The following SLC6A13 variants were observed in gnomAD, a reference collection of about 807,000 sequenced individuals.
SLC6A13 encodes sodium- and chloride-dependent GABA transporter 2.
SLC6A13 carries 69 observed loss-of-function variants against 72.9 expected under a neutral mutation model. The observed-to-expected ratio is 0.95, with a 90% confidence interval of 0.78 to 1.16. SLC6A13 has a LOEUF of 1.16. Among genes scored for constraint, SLC6A13 ranks in the 50% most tolerant of loss-of-function variants. The pLI is 0.00. For synonymous variants in SLC6A13, 303 were observed against 303.0 expected (o/e 1.00, Z 0.00); for missense variants, 735 against 760.5 (o/e 0.97, Z 0.39).
At chr12:255,704 C>T (rs61159190) in intron 2 of SLC6A13, among the ~76,000 whole-genome samples, 5,882 of 152,176 alleles carry the variant, frequency 0.039, 349 homozygotes, top group African/African-American at 0.13. Context: ...TTGGAGGGGG[C>T]GGAAATAATG....
At chr12:245,292 C>T (rs1223495038) in intron 2 of SLC6A13, among the ~76,000 whole-genome samples, 2 of 152,202 alleles carry the variant, frequency 1.3e-5, no homozygotes, top group Admixed American at 1.3e-4. Flanking sequence ...CTAGACCGAG[C>T]ACACTTCTAT....
At position 241,606 on chromosome 12, in the gene SLC6A13, C is replaced by T. The variant is rs867173895; in HGVS notation, c.478+1008G>A. Among the ~76,000 whole-genome samples the T allele has an allele frequency of 1.4e-4, 21 of 152,358 alleles. No homozygotes were observed. The Middle Eastern group carries it at 0.01, about 74-fold the overall frequency. On this transcript the variant is annotated intron_variant, in intron 4 of 14. Coordinates refer to ENST00000343164, the MANE Select transcript of SLC6A13 (RefSeq NM_016615.5). ...ACATAGGAGTCACTCCAAACCTACACTGGTTCAGTGGGACTGCCCGTGAAA... is the reference window on the plus strand; with the variant it reads ...ACATAGGAGTCACTCCAAACCTACATTGGTTCAGTGGGACTGCCCGTGAAA...
At chr12:228,434 G>C (rs1393777174) in intron 7 of SLC6A13, among the ~76,000 whole-genome samples, 2 of 152,094 alleles carry the variant, frequency 1.3e-5, no homozygotes, top group Non-Finnish European at 2.9e-5. Flanking sequence ...AGCACAACCA[G>C]GGAGCACCCC....
chr12:224,253 T>C, intron 10 of SLC6A13, 124 bp from the exon 11 acceptor site: 3 of 1,431,008 alleles, frequency 2.1e-6, no homozygotes, highest in South Asian at 1.2e-5. Context: ...CCCTGAGCTA[T>C]TGTCCTTGCC....
intron 2 of SLC6A13, among the ~76,000 whole-genome samples, chr12:247,495 A>G (rs1942395898): frequency 6.6e-6 from 1 of 152,254 alleles, no homozygotes; most frequent in Non-Finnish European, 1.5e-5. Flanking sequence ...ATACCCAGCA[A>G]TAATACTGTT....
At chr12:227,471 G>T in intron 8 of SLC6A13, 94 bp downstream of exon 8, 1 of 1,570,130 alleles carries the variant, frequency 6.4e-7, no homozygotes, top group Non-Finnish European at 8.6e-7. Context: ...AGATCCAGGA[G>T]CTGATGCACC....
chr12:228,639 C>T, intron 7 of SLC6A13, among the ~76,000 whole-genome samples: 1 of 152,202 alleles, frequency 6.6e-6, no homozygotes, highest in Non-Finnish European at 1.5e-5. Context: ...TTCCTCAGTC[C>T]CTTCCTGGTC....
At chr12:243,927 A>G (rs1007534023) in intron 2 of SLC6A13, 114 bp from the exon 3 acceptor site, 1 of 961,554 alleles carries the variant, frequency 1.0e-6, no homozygotes, top group East Asian at 2.7e-5. Context: ...GGCAGAGAAC[A>G]TGCAAAACTG....
chr12:234,052 C>T (rs986653768), intron 7 of SLC6A13, among the ~76,000 whole-genome samples: 1 of 152,118 alleles, frequency 6.6e-6, no homozygotes, highest in African/African-American at 2.4e-5. Context: ...CTGGCCAAAA[C>T]CCGTCAAAAC....
chr12:234,578 C>T (rs780108320), intron 7 of SLC6A13, among the ~76,000 whole-genome samples: 7 of 151,948 alleles, frequency 4.6e-5, no homozygotes, highest in African/African-American at 9.7e-5. Flanking sequence ...AGTGCAGTGG[C>T]GCGATCTCAG....
At chr12:237,543 C>A (rs1286630940) in intron 5 of SLC6A13, among the ~76,000 whole-genome samples, 1 of 151,454 alleles carries the variant, frequency 6.6e-6, no homozygotes, top group Non-Finnish European at 1.5e-5. Context: ...CCTATGTTTC[C>A]AACCAGGGTT....
intron 11 of SLC6A13, 139 bp downstream of exon 11, chr12:223,853 G>A (rs1187545938): frequency 1.1e-6 from 1 of 927,038 alleles, no homozygotes; most frequent in African/African-American, 1.6e-5. Context: ...TTCCTGGGAT[G>A]GGGAAAAGAG....
At chr12:235,473 A>G (rs893947966) in intron 6 of SLC6A13, among the ~76,000 whole-genome samples, 1 of 152,216 alleles carries the variant, frequency 6.6e-6, no homozygotes, top group African/African-American at 2.4e-5. Context: ...CAGTTTCCAA[A>G]TAATACTTTT....
rs77477374 is a variant in SLC6A13, at chr12:228,926, A to G, written c.832-1258T>C. On this transcript the variant is annotated intron_variant, in intron 7 of 14. Transcript: ENST00000343164. The stretch of plus-strand genomic sequence containing the variant: ...GTCACCAGGTATGGGATGCTGTCCT[A>G]TGGCCCCTGCATCAGGGGTGCACCC... 2.6e-3 allele frequency among the ~76,000 whole-genome samples: 398 copies of G among 152,246 alleles called. 9 individuals are homozygous for G. The East Asian group carries it at 0.059, about 22-fold the overall frequency.
chr12:247,424 A>G (rs1942393802), intron 2 of SLC6A13, among the ~76,000 whole-genome samples: 1 of 152,220 alleles, frequency 6.6e-6, no homozygotes, highest in African/African-American at 2.4e-5. Context: ...AGACAGTGAT[A>G]AGGAAGCACA....
At position 262,321 on chromosome 12, in the gene SLC6A13, TAATG is replaced by T. The variant is rs763864384; in HGVS notation, c.-6+464_-6+467del. The stretch of plus-strand genomic sequence containing the variant: ...TACCAATGTCTGACTTCAGAGAAGT[TAATG>T]AATGACTCTGAGCCTTAGTTTGTTC... On this transcript the variant is annotated intron_variant, in intron 1 of 14. Coordinates refer to ENST00000343164, the MANE Select transcript of SLC6A13 (RefSeq NM_016615.5). Among the ~76,000 whole-genome samples, 178 of 152,234 alleles carry T rather than the reference TAATG, an allele frequency of 1.2e-3. 4 individuals carry two copies. Among genetic ancestry groups the T allele is most frequent in the Non-Finnish European group, 1.8e-4 (12 of 68,036 alleles).
intron 12 of SLC6A13, among the ~76,000 whole-genome samples, chr12:222,840 G>A (rs753387143): frequency 5.9e-5 from 9 of 152,140 alleles, no homozygotes; most frequent in Non-Finnish European, 8.8e-5. Context: ...TTGGGTACAG[G>A]CAGTCACTTC....
intron 2 of SLC6A13, among the ~76,000 whole-genome samples, chr12:255,218 G>A (rs949691367): frequency 2.0e-4 from 31 of 152,262 alleles, no homozygotes; most frequent in African/African-American, 6.5e-4. Context: ...CAGCAACCAG[G>A]GTCCAGGGAG....
chr12:255,140 C>T (rs986954662), intron 2 of SLC6A13, among the ~76,000 whole-genome samples: 3 of 152,112 alleles, frequency 2.0e-5, no homozygotes, highest in Non-Finnish European at 2.9e-5. Flanking sequence ...GAGAAGTGGT[C>T]GGGTCCTGCA....
Sources: gnomAD v4.1 joint callset for allele counts (sites outside exome capture counted in the v4.1 genomes callset) on GRCh38, gnomAD v4.1.1 for gene constraint, MANE v1.5 for transcripts, NCBI Gene and HGNC (gene_info 2026-07-23, HGNC 2026-07-21) for gene names.